BOLL: variants seen among roughly 807,000 people sequenced by gnomAD.
The protein encoded by BOLL is protein boule-like.
In BOLL, 23 loss-of-function variants were observed where a neutral mutation model predicts 44.4. The ratio of observed to expected loss-of-function variants is 0.52; its 90% confidence interval spans 0.37 to 0.73. The LOEUF is 0.73. BOLL is among the 30% of genes least tolerant of loss of function. The pLI, the probability that BOLL is intolerant of heterozygous loss-of-function variation, is 0.00. For missense variants in BOLL, 287 were observed against 338.3 expected (o/e 0.85, Z 1.19); for synonymous variants, 97 against 110.8 (o/e 0.88, Z 0.78).
intron 3 of BOLL, among the ~76,000 whole-genome samples, chr2:197,777,830 T>C (rs1347497353): frequency 1.3e-5 from 2 of 151,884 alleles, no homozygotes; most frequent in Non-Finnish European, 2.9e-5. Context: ...TTAAGTAAAC[T>C]CTTCTGAGTA....
intron 5 of BOLL, chr2:197,773,926 G>A: frequency 2.7e-6 from 1 of 376,664 alleles, no homozygotes; most frequent in Non-Finnish European, 5.4e-6. Context: ...GTTGGTAATG[G>A]AGATGGAAAG....
chr2:197,761,622 A>G (rs553595752), intron 7 of BOLL, among the ~76,000 whole-genome samples: 11 of 152,348 alleles, frequency 7.2e-5, no homozygotes, highest in African/African-American at 2.6e-4. Context: ...CCCTGAATGC[A>G]AATGGGTTAA....
intron 8 of BOLL, among the ~76,000 whole-genome samples, chr2:197,756,940 T>A (rs541104662): frequency 1.2e-3 from 178 of 152,246 alleles, no homozygotes; most frequent in African/African-American, 4.1e-3. Flanking sequence ...AATGTGAAAC[T>A]TTTTTGGTGA....
chr2:197,760,104 C>T (rs1399128991), intron 7 of BOLL, among the ~76,000 whole-genome samples: 1 of 152,074 alleles, frequency 6.6e-6, no homozygotes, highest in African/African-American at 2.4e-5. Context: ...AGGCTGCTTC[C>T]AGTGGGCATG....
chr2:197,728,504 G>C lies in BOLL; in HGVS notation c.*51C>G. On this transcript the variant is annotated 3_prime_UTR_variant, in exon 11 of 11. Transcript: ENST00000392296. ...TTGAAGCTGGATCTCGGCCACGCAA[G>C]GATCATTGGACAAGAAATCAGTTGA... is the stretch of plus-strand genomic sequence containing the variant. 1 of 1,614,018 alleles carries C rather than the reference G, an allele frequency of 6.2e-7. No individual in the cohort carries two copies. The highest frequency in any genetic ancestry group is 1.1e-5 in the South Asian group (1 of 91,068).
intron 5 of BOLL, among the ~76,000 whole-genome samples, chr2:197,772,425 T>C (rs1689308286): frequency 6.6e-6 from 1 of 152,060 alleles, no homozygotes; most frequent in African/African-American, 2.4e-5. Context: ...AGTCCAAAGA[T>C]GATGGAGGCA....
intron 7 of BOLL, among the ~76,000 whole-genome samples, chr2:197,760,532 C>T (rs1025205215): frequency 1.3e-5 from 2 of 152,232 alleles, no homozygotes; most frequent in African/African-American, 4.8e-5. Context: ...GCCAGAGTAA[C>T]AGCCCTGTGG....
chr2:197,739,983 TAAC>T, intron 10 of BOLL, among the ~76,000 whole-genome samples: 1 of 152,280 alleles, frequency 6.6e-6, no homozygotes, highest in South Asian at 2.1e-4. Context: ...GAGTAAATGT[TAAC>T]GACAGAAGAA....
rs1207587819 is a variant in BOLL at position 197,743,166 on chromosome 2, C to G, written c.730-7G>C. ...CTCCATGATCAGAATAAGGCTATTA[C>G]AAAAAAAGAGAGAAAAAATGTCACC... On this transcript the variant is annotated splice_region_variant and splice_polypyrimidine_tract_variant and intron_variant, in intron 9 of 10. Coordinates refer to ENST00000392296, the MANE Select transcript of BOLL (RefSeq NM_033030.6). The G allele has an allele frequency of 3.2e-6, 5 of 1,557,532 alleles. No individual in the cohort carries two copies. Among genetic ancestry groups the G allele is most frequent in the Admixed American group, 2.0e-5 (1 of 50,320 alleles).
rs915401766 is a variant in BOLL at position 197,743,113 on chromosome 2, G to A, written c.776C>T (p.Ala259Val). 7 of 1,605,838 alleles carry A rather than the reference G, an allele frequency of 4.4e-6. No individual in the cohort carries two copies. Among genetic ancestry groups the A allele is most frequent in the Non-Finnish European group, 6.0e-6 (7 of 1,176,224 alleles). Residue 259 changes from alanine to valine, a missense_variant, in exon 10 of 11, where the codon GCT (alanine) becomes GTT (valine). Ala to Val is a moderately conservative substitution (Grantham distance 64). Transcript: ENST00000392296. ...GVQATYHQVYAPSAITMPAPV... is the reference protein window; with the variant it reads ...GVQATYHQVYVPSAITMPAPV... ...CGCAGGCATAGTGATGGCACTTGGA[G>A]CATAAACCTGGTGATATGTTGCTTG...
At chr2:197,735,745 C>A (rs1411937129) in intron 10 of BOLL, among the ~76,000 whole-genome samples, 1 of 152,150 alleles carries the variant, frequency 6.6e-6, no homozygotes, top group African/African-American at 2.4e-5. Context: ...ATCAGGCTGT[C>A]TATGCATGTC....
intron 9 of BOLL, among the ~76,000 whole-genome samples, chr2:197,745,251 A>G (rs968200971): frequency 2.0e-5 from 3 of 152,158 alleles, no homozygotes; most frequent in African/African-American, 7.2e-5. Flanking sequence ...TTTTTAAAAA[A>G]AGAAATTTGA....
intron 10 of BOLL, among the ~76,000 whole-genome samples, chr2:197,735,100 A>G (rs1687421918): frequency 6.6e-6 from 1 of 152,142 alleles, no homozygotes; most frequent in East Asian, 1.9e-4. Context: ...ATTTGAGGTA[A>G]AAGTTACTGT....
In BOLL at chr2:197,768,141, C is replaced by T. The variant is rs181318784; in HGVS notation, c.481-1538G>A. 3.2e-4 allele frequency among the ~76,000 whole-genome samples: 48 copies of T among 152,038 alleles called. No homozygotes were observed. In the East Asian group the frequency reaches 8.7e-3, roughly 28 times the overall value. On this transcript the variant is annotated intron_variant, in intron 6 of 10. Transcript: ENST00000392296. ...ATTTAAAAAACAGCATTCATTAAAGCAACAAAACTATAGTCTACTAAGAAT... is the reference window on the plus strand; with the variant it reads ...ATTTAAAAAACAGCATTCATTAAAGTAACAAAACTATAGTCTACTAAGAAT...
At position 197,781,805 on chromosome 2, in the gene BOLL, C is replaced by T. The variant is rs140394268; in HGVS notation, c.46G>A (p.Val16Met). The change falls in exon 2 of 11, where the codon GTG becomes ATG. Residue 16 changes from valine (V) to methionine (M), a missense_variant. Physicochemically the swap from Val to Met is conservative, Grantham distance 21. Coordinates refer to ENST00000392296, the MANE Select transcript of BOLL (RefSeq NM_033030.6). Reference sequence around the variant, plus strand: ...GCACTTGTTGGGTTATTCAAAGGCACAGGTGACACAGGATTAGGGGATGGA... The same window carrying T: ...GCACTTGTTGGGTTATTCAAAGGCATAGGTGACACAGGATTAGGGGATGGA... ...LSPSPNPVSP[V>M]PLNNPTSAPR... 2.2e-5 allele frequency: 35 copies of T among 1,607,892 alleles called. No homozygotes were observed. Among genetic ancestry groups the T allele is most frequent in the Non-Finnish European group, 2.7e-5 (32 of 1,175,776 alleles).
At chr2:197,779,614 T>C (rs1310415407) in intron 2 of BOLL, among the ~76,000 whole-genome samples, 1 of 152,024 alleles carries the variant, frequency 6.6e-6, no homozygotes, top group Admixed American at 6.6e-5. Flanking sequence ...TTTAAAGTTA[T>C]TAGATTCCTT....
intron 7 of BOLL, among the ~76,000 whole-genome samples, chr2:197,760,781 G>A (rs1036433231): frequency 2.0e-5 from 3 of 151,848 alleles, no homozygotes; most frequent in African/African-American, 7.3e-5. Context: ...TCCTCTCAGA[G>A]GCACATTATA....
At position 197,765,613 on chromosome 2, in the gene BOLL, GA is replaced by G. The variant is rs920420853; in HGVS notation, c.552+918del. On this transcript the variant is annotated intron_variant, in intron 7 of 10. Transcript: ENST00000392296. ...ATAGGTATAATTATCATTTGTCAAT[GA>G]AAAAAAATTAAAAAAAAAACACTAC... is the stretch of plus-strand genomic sequence containing the variant. Among the ~76,000 whole-genome samples, 141 of 148,990 alleles carry G rather than the reference GA, an allele frequency of 9.5e-4. 1 individual carries two copies. The highest frequency in any genetic ancestry group is 3.2e-3 in the African/African-American group (132 of 40,652).
chr2:197,786,028 C>T (rs772196117), upstream of BOLL: 5 of 1,609,610 alleles, frequency 3.1e-6, no homozygotes, highest in Admixed American at 1.7e-5. The surrounding 1 kb of genome is among the most constrained non-coding windows in gnomAD (Gnocchi z 5.9). Flanking sequence ...TTCAGAGACG[C>T]GGGGTAGGGA....
Sources: allele counts gnomAD v4.1 joint callset (sites outside exome capture counted in the v4.1 genomes callset), GRCh38; gene constraint gnomAD v4.1.1; non-coding constraint Gnocchi (gnomAD v3.1); transcripts MANE v1.5; gene names NCBI Gene and HGNC (gene_info 2026-07-23, HGNC 2026-07-21).